Variants in ABCD3 observed in about 807,000 individuals in gnomAD.
The protein encoded by ABCD3 is ATP-binding cassette sub-family D member 3.
Under a neutral mutation model 105.5 loss-of-function variants are expected in ABCD3, and 41 were observed. The observed-to-expected ratio is 0.39, with a 90% CI of 0.30 to 0.50. ABCD3 has a LOEUF of 0.50. ABCD3 is among the 20% of genes least tolerant of loss of function. The pLI, the probability that ABCD3 is intolerant of heterozygous loss-of-function variation, is 0.84. For synonymous variants in ABCD3, 258 were observed against 269.0 expected (o/e 0.96, Z 0.40); for missense variants, 622 against 806.3 (o/e 0.77, Z 2.77).
chr1:94,473,792 A>G lies in ABCD3; in HGVS notation c.362A>G (p.Asp121Gly), dbSNP rs1648602131. The G allele has an allele frequency of 1.2e-6, 2 of 1,612,842 alleles. No homozygotes were observed. ...ESGIIGRSRK[D>G]FKRYLLNFIA... The stretch of plus-strand genomic sequence containing the variant: ...GGTATCATTGGTCGTAGCAGGAAAG[A>G]TTTCAAGAGATACTTACTCAACTTC... Residue 121 changes from aspartate to glycine, a missense_variant, in exon 5 of 23, where the codon GAT becomes GGT. By Grantham distance (94) the Asp-to-Gly change is moderately conservative. Coordinates refer to ENST00000370214, the MANE Select transcript of ABCD3 (RefSeq NM_002858.4).
intron 4 of ABCD3, among the ~76,000 whole-genome samples, chr1:94,470,765 C>A (rs1369973598): frequency 6.6e-6 from 1 of 151,944 alleles, no homozygotes; most frequent in Admixed American, 6.6e-5. Context: ...CTATTTTTGT[C>A]TCTGCCATTT....
intron 4 of ABCD3, 51 bp downstream of exon 4, chr1:94,468,058 C>T (rs1227617599): frequency 8.1e-7 from 1 of 1,230,718 alleles, no homozygotes; most frequent in Non-Finnish European, 1.2e-6. Context: ...TAATTTGTCT[C>T]ATATTTATGC....
At chr1:94,436,753 G>A (rs1439734262) in intron 1 of ABCD3, among the ~76,000 whole-genome samples, 2 of 152,232 alleles carry the variant, frequency 1.3e-5, no homozygotes, top group East Asian at 3.9e-4. Flanking sequence ...CATCTTTGTT[G>A]TTACTATTGT....
chr1:94,440,410 G>T (rs1660088313), intron 1 of ABCD3, among the ~76,000 whole-genome samples: 1 of 152,096 alleles, frequency 6.6e-6, no homozygotes, highest in Admixed American at 6.6e-5. Flanking sequence ...TCTGTTCCTT[G>T]CAGTTTCTCT....
chr1:94,504,787 G>A lies in ABCD3; in HGVS notation c.1741-1751G>A, dbSNP rs6701812. On this transcript the variant is annotated intron_variant, in intron 20 of 22. Transcript: ENST00000370214. ...CTGGTTACATGGAGAGTGGACTGGA[G>A]AGGAGCAGCAGAAGTGGTAGGAGGC... Among the ~76,000 whole-genome samples, 1,028 of 152,278 alleles carry A rather than the reference G, an allele frequency of 6.8e-3. 11 individuals carry two copies. The highest frequency in any genetic ancestry group is 0.024 in the African/African-American group (987 of 41,574).
rs1211989436 is a variant in ABCD3 at position 94,489,978 on chromosome 1, A to G, written c.1322+3A>G. 6.2e-7 allele frequency: 1 copy of G among 1,612,396 alleles called. No homozygotes were observed. The highest frequency in any genetic ancestry group is 2.2e-5 in the East Asian group (1 of 44,798). ...ATTATTGCAGATAACATTATAAAGT[A>G]CGTACAGAAAAAGGTCTTTTAGCAC... is the stretch of plus-strand genomic sequence containing the variant. On this transcript the variant is annotated splice_donor_region_variant and intron_variant, in intron 15 of 22. Transcript: ENST00000370214.
chr1:94,500,438 C>T (rs1176797490), intron 20 of ABCD3, among the ~76,000 whole-genome samples: 1 of 151,970 alleles, frequency 6.6e-6, no homozygotes, highest in East Asian at 1.9e-4. Flanking sequence ...GAGATCGTCT[C>T]TCTAAAAATA....
intron 4 of ABCD3, among the ~76,000 whole-genome samples, chr1:94,469,221 A>G (rs1264459040): frequency 2.6e-5 from 4 of 152,018 alleles, no homozygotes; most frequent in Admixed American, 2.0e-4. Context: ...ATTACTGTTC[A>G]TAGATTTCTC....
intron 20 of ABCD3, 22 bp downstream of exon 20, chr1:94,499,636 T>C (rs1198685911): frequency 6.2e-7 from 1 of 1,612,752 alleles, no homozygotes. Context: ...GTGAAGAAGT[T>C]GCACAAGAAT....
intron 16 of ABCD3, among the ~76,000 whole-genome samples, chr1:94,498,059 T>C (rs568371283): frequency 7.2e-5 from 11 of 152,260 alleles, no homozygotes; most frequent in African/African-American, 2.2e-4. Flanking sequence ...GTTGATGATA[T>C]CAATCAGTCA....
At chr1:94,458,530 T>A in intron 1 of ABCD3, 77 bp from the exon 2 acceptor site, 1 of 1,296,160 alleles carries the variant, frequency 7.7e-7, no homozygotes, top group African/African-American at 1.5e-5. Flanking sequence ...TTTGGTATAT[T>A]TGACATCTTA....
chr1:94,468,957 C>T (rs1648307427), intron 4 of ABCD3, among the ~76,000 whole-genome samples: 1 of 152,118 alleles, frequency 6.6e-6, no homozygotes, highest in Non-Finnish European at 1.5e-5. Context: ...TCACATTCCA[C>T]CCAAGTCTCC....
At chr1:94,477,227 C>CAAAAA (rs561060182) in intron 7 of ABCD3, among the ~76,000 whole-genome samples, 109 of 44,316 alleles carry the variant, frequency 2.5e-3, no homozygotes, top group East Asian at 4.3e-3. Flanking sequence ...ACTTATAAGG[C>CAAAAA]AAAAAAAAAA....
At chr1:94,441,084 A>G (rs926958571) in intron 1 of ABCD3, among the ~76,000 whole-genome samples, 2 of 150,098 alleles carry the variant, frequency 1.3e-5, no homozygotes, top group African/African-American at 2.5e-5. Flanking sequence ...TGTGATTCAA[A>G]AATCCAGATG....
At chr1:94,463,010 A>G (rs1427730943) in intron 2 of ABCD3, among the ~76,000 whole-genome samples, 1 of 152,212 alleles carries the variant, frequency 6.6e-6, no homozygotes, top group Non-Finnish European at 1.5e-5. Flanking sequence ...GGCTAGTTCA[A>G]CTAACTGGAC....
intron 1 of ABCD3, among the ~76,000 whole-genome samples, chr1:94,438,884 C>G (rs533081541): frequency 1.1e-4 from 17 of 152,288 alleles, no homozygotes; most frequent in South Asian, 2.1e-4. Flanking sequence ...ACGTGACCCA[C>G]TTTATTGCCT....
chr1:94,468,228 C>A (rs757723263), intron 4 of ABCD3, among the ~76,000 whole-genome samples: 11 of 152,180 alleles, frequency 7.2e-5, no homozygotes, highest in African/African-American at 2.4e-4. Context: ...CTAGGAGAAA[C>A]TGTACCAAGC....
At chr1:94,403,596 A>G in the ABCD3 span, among the ~76,000 whole-genome samples, 1 of 152,110 alleles carries the variant, frequency 6.6e-6, no homozygotes, top group Non-Finnish European at 1.5e-5. Flanking sequence ...TCTTTTCTCC[A>G]CTATTATTTA....
chr1:94,391,148 G>C, the ABCD3 span, among the ~76,000 whole-genome samples: 1 of 152,118 alleles, frequency 6.6e-6, no homozygotes, highest in Non-Finnish European at 1.5e-5. Flanking sequence ...GTGGGCTCCA[G>C]GTCTGTGAAA....
Sources: allele counts gnomAD v4.1 joint callset (sites outside exome capture counted in the v4.1 genomes callset), GRCh38; gene constraint gnomAD v4.1.1; transcripts MANE v1.5; gene names NCBI Gene and HGNC (gene_info 2026-07-23, HGNC 2026-07-21).